SCARA3: variants seen among roughly 807,000 people sequenced by gnomAD.
SCARA3 encodes cellular stress response gene protein.
SCARA3 carries 39 observed loss-of-function variants against 47.0 expected under a neutral mutation model. The observed-to-expected ratio is 0.83, with a 90% CI of 0.64 to 1.08. SCARA3 has a LOEUF of 1.08. SCARA3 is among the 50% of genes least tolerant of loss of function. The pLI is 0.00. For synonymous variants in SCARA3, 356 were observed against 334.1 expected (o/e 1.07, Z -0.71); for missense variants, 724 against 792.3 (o/e 0.91, Z 1.04).
At chr8:27,656,668 G>A (rs963047014) in intron 3 of SCARA3, 114 bp from the exon 4 acceptor site, 40 of 709,884 alleles carry the variant, frequency 5.6e-5, no homozygotes, top group Non-Finnish European at 8.6e-5. Context: ...CCTGAGAGAA[G>A]AAGGGTGAAA....
the SCARA3 span, among the ~76,000 whole-genome samples, chr8:27,685,176 A>C: frequency 6.6e-6 from 1 of 152,222 alleles, no homozygotes; most frequent in Non-Finnish European, 1.5e-5. Flanking sequence ...TATTATGAAA[A>C]TTTGACACCA....
chr8:27,655,388 A>G (rs1223768130), intron 3 of SCARA3, among the ~76,000 whole-genome samples: 1 of 152,122 alleles, frequency 6.6e-6, no homozygotes, highest in Non-Finnish European at 1.5e-5. Context: ...AGAACAACCC[A>G]TGCCCTCCCT....
At chr8:27,639,429 A>G (rs898287421) in intron 1 of SCARA3, among the ~76,000 whole-genome samples, 1 of 152,112 alleles carries the variant, frequency 6.6e-6, no homozygotes, top group African/African-American at 2.4e-5. Flanking sequence ...GAGGAGCTGA[A>G]GGGTGGGGAG....
At chr8:27,705,372 C>T in the SCARA3 span, among the ~76,000 whole-genome samples, 1 of 152,224 alleles carries the variant, frequency 6.6e-6, no homozygotes, top group Admixed American at 6.5e-5. Flanking sequence ...TACCCCTGAA[C>T]GTCATAGGAA....
At chr8:27,710,510 A>G in the SCARA3 span, among the ~76,000 whole-genome samples, 1 of 152,204 alleles carries the variant, frequency 6.6e-6, no homozygotes, top group African/African-American at 2.4e-5. Flanking sequence ...ACAATTAAGT[A>G]CCGATTAAGT....
In SCARA3 at chr8:27,659,338, C is replaced by T. The variant is rs199780172; in HGVS notation, c.1168C>T (p.His390Tyr). The T allele has an allele frequency of 1.1e-4, 180 of 1,614,156 alleles. No individual in the cohort carries two copies. In the East Asian group the frequency reaches 3.7e-3, roughly 33 times the overall value. Residue 390 changes from histidine to tyrosine, a missense_variant, in exon 5 of 6, where the codon CAC (histidine) becomes TAC (tyrosine). Physicochemically the swap from His to Tyr is moderately conservative, Grantham distance 83 (BLOSUM62 2). Coordinates refer to ENST00000301904, the MANE Select transcript of SCARA3 (RefSeq NM_016240.3). Reference sequence around the variant, plus strand: ...GCGGCTCTCCTGCACGCTGGGCTTCCACACCCATGCCGAGGAGCTCTACTA... The same window carrying T: ...GCGGCTCTCCTGCACGCTGGGCTTCTACACCCATGCCGAGGAGCTCTACTA... ...DVRLSCTLGF[H>Y]THAEELYYLN... is the part of the protein sequence containing the mutation.
chr8:27,650,727 G>A (rs962881020), intron 2 of SCARA3, among the ~76,000 whole-genome samples: 2 of 152,118 alleles, frequency 1.3e-5, no homozygotes, highest in Non-Finnish European at 2.9e-5. Context: ...GGACCATCTG[G>A]TTCCCTCTTT....
chr8:27,694,504 T>G, the SCARA3 span, among the ~76,000 whole-genome samples: 6 of 152,266 alleles, frequency 3.9e-5, no homozygotes, highest in Middle Eastern at 3.4e-3. Flanking sequence ...ATTTTTAAAA[T>G]ACAGTAATGA....
chr8:27,671,416 C>T lies in SCARA3; in HGVS notation c.*65C>T. ...AGGGGCGCAGAGCAGATCCAGGCCC[C>T]AGAAAGCCTCACCTACAGACAGCTG... On this transcript the variant is annotated 3_prime_UTR_variant, in exon 6 of 6. Transcript: ENST00000301904. 1 of 1,343,592 alleles carries T rather than the reference C, an allele frequency of 7.4e-7. No homozygotes were observed. The highest frequency in any genetic ancestry group is 2.1e-4 in the Middle Eastern group (1 of 4,782). The allele number at this position is 1,343,592 out of a possible 1,614,324, so 83.2% of individuals were successfully genotyped here. A position where few individuals can be genotyped will look rare whatever the true frequency, so the allele number is the denominator to read the frequency against.
the SCARA3 span, among the ~76,000 whole-genome samples, chr8:27,715,848 A>AGATT: frequency 7.2e-6 from 1 of 138,296 alleles, no homozygotes; most frequent in Non-Finnish European, 1.6e-5. This position sits in a 1 kb window ranked among gnomAD's most constrained non-coding sequence, Gnocchi z 4.2. Flanking sequence ...ATAGATAGAT[A>AGATT]GATAGATAGA....
At chr8:27,702,522 CAAT>C in the SCARA3 span, 1 of 152,208 alleles carries the variant, frequency 6.6e-6, no homozygotes, top group Non-Finnish European at 1.5e-5. Flanking sequence ...GGTAGAAAAA[CAAT>C]AACCAGTGGG....
At position 27,634,149 on chromosome 8, in the gene SCARA3, C is replaced by A; in HGVS notation, c.-52C>A. On this transcript the variant is annotated 5_prime_UTR_variant, in exon 1 of 6. Coordinates refer to ENST00000301904, the MANE Select transcript of SCARA3 (RefSeq NM_016240.3). Reference sequence around the variant, plus strand: ...ATCCGCCGGCCGCCCGGCTCCACTACAGCTCCAGCCGCCTGCAGCGGGGCC... The same window carrying A: ...ATCCGCCGGCCGCCCGGCTCCACTAAAGCTCCAGCCGCCTGCAGCGGGGCC... 1 of 1,451,932 alleles carries A rather than the reference C, an allele frequency of 6.9e-7. No homozygotes were observed. 89.9% of individuals were successfully genotyped at this position (1,451,932 alleles called of 1,614,324 possible). A position where few individuals can be genotyped will look rare whatever the true frequency, so the allele number is the denominator to read the frequency against.
the SCARA3 span, chr8:27,703,619 T>G: frequency 6.6e-6 from 1 of 152,070 alleles, no homozygotes; most frequent in Non-Finnish European, 1.5e-5. Context: ...AGACTAGGGT[T>G]GGGGGGGATC....
chr8:27,711,889 T>C, the SCARA3 span, among the ~76,000 whole-genome samples: 2 of 152,184 alleles, frequency 1.3e-5, no homozygotes, highest in African/African-American at 4.8e-5. Flanking sequence ...TTTGTTATAA[T>C]TGATAAACCA....
At chr8:27,637,695 G>A (rs189534335) in intron 1 of SCARA3, among the ~76,000 whole-genome samples, 15 of 152,162 alleles carry the variant, frequency 9.9e-5, no homozygotes, top group Middle Eastern at 3.4e-3. Context: ...CTGTTCCTCA[G>A]GCGTGGGAGA....
intron 3 of SCARA3, among the ~76,000 whole-genome samples, chr8:27,656,161 T>C (rs1801739372): frequency 6.6e-6 from 1 of 152,206 alleles, no homozygotes. Flanking sequence ...TAAGATATTC[T>C]CAGATACAAA....
At chr8:27,675,205 C>T (rs931242715), downstream of SCARA3, among the ~76,000 whole-genome samples, 2 of 152,204 alleles carry the variant, frequency 1.3e-5, no homozygotes, top group Non-Finnish European at 2.9e-5. Context: ...CCCTCCAACT[C>T]GTCTCTAGCC....
chr8:27,716,981 C>T, the SCARA3 span, among the ~76,000 whole-genome samples: 29 of 152,186 alleles, frequency 1.9e-4, no homozygotes, highest in African/African-American at 6.0e-4. Context: ...TGGGTCTAAT[C>T]GCCAGAAAAT....
chr8:27,662,578 A>G (rs1014446018), intron 5 of SCARA3, among the ~76,000 whole-genome samples: 3 of 152,200 alleles, frequency 2.0e-5, no homozygotes, highest in Non-Finnish European at 4.4e-5. Context: ...AGGCAAATCT[A>G]TATCCAGGGC....
Sources: gnomAD v4.1 joint callset for allele counts (sites outside exome capture counted in the v4.1 genomes callset) on GRCh38, gnomAD v4.1.1 for gene constraint, Gnocchi (gnomAD v3.1) non-coding constraint, MANE v1.5 for transcripts, NCBI Gene and HGNC (gene_info 2026-07-23, HGNC 2026-07-21) for gene names.